The following INPP4A variants were observed in gnomAD, a reference collection of about 807,000 sequenced individuals.
INPP4A encodes the protein inositol polyphosphate-4-phosphatase type I A.
INPP4A carries 33 observed loss-of-function variants against 119.8 expected under a neutral mutation model. The ratio of observed to expected loss-of-function variants is 0.28; its 90% CI spans 0.21 to 0.37. The LOEUF (loss-of-function observed/expected upper bound fraction) is 0.37, where lower values mean the gene tolerates loss of function less well. INPP4A is among the 10% of genes least tolerant of loss of function. INPP4A has a pLI of 1.00. For missense variants in INPP4A, 956 were observed against 1,289.9 expected (o/e 0.74, Z 3.97); for synonymous variants, 496 against 500.7 (o/e 0.99, Z 0.12).
intron 1 of INPP4A, among the ~76,000 whole-genome samples, chr2:98,495,288 T>C (rs1681710199): frequency 6.6e-6 from 1 of 152,246 alleles, no homozygotes; most frequent in Non-Finnish European, 1.5e-5. Flanking sequence ...ACTGCTATTA[T>C]ATTTGTTCCA....
intron 1 of INPP4A, among the ~76,000 whole-genome samples, chr2:98,449,596 C>CA (rs1694875771): frequency 6.6e-6 from 1 of 152,172 alleles, no homozygotes; most frequent in Non-Finnish European, 1.5e-5. Flanking sequence ...GCCATTTCTC[C>CA]AAAGAGTCCT....
chr2:98,471,666 T>G (rs563621197), intron 1 of INPP4A, among the ~76,000 whole-genome samples: 2 of 151,476 alleles, frequency 1.3e-5, no homozygotes, highest in East Asian at 1.9e-4. Context: ...AGACTGGCTG[T>G]CTGTAAGCTT....
intron 1 of INPP4A, among the ~76,000 whole-genome samples, chr2:98,503,264 A>G (rs1234170428): frequency 6.6e-6 from 1 of 152,174 alleles, no homozygotes; most frequent in East Asian, 1.9e-4. Flanking sequence ...GACTTTTGAG[A>G]TTGGTTTGAA....
chr2:98,567,129 C>T (rs1218824001), intron 21 of INPP4A, among the ~76,000 whole-genome samples: 1 of 152,104 alleles, frequency 6.6e-6, no homozygotes, highest in South Asian at 2.1e-4. Context: ...TTCGCTGGCA[C>T]GTGCCGGGAG....
intron 17 of INPP4A, among the ~76,000 whole-genome samples, chr2:98,563,110 C>T (rs1695788890): frequency 6.6e-6 from 1 of 152,176 alleles, no homozygotes; most frequent in African/African-American, 2.4e-5. Context: ...GGAGATGGGC[C>T]TCTGGGGACA....
At chr2:98,533,989 A>G (rs1022921587) in intron 5 of INPP4A, among the ~76,000 whole-genome samples, 2 of 152,252 alleles carry the variant, frequency 1.3e-5, no homozygotes, top group Admixed American at 6.5e-5. Context: ...ACATTTATGG[A>G]TGATCCTTTT....
rs1003242559 is a variant in INPP4A at position 98,554,190 on chromosome 2, A to G, written c.1348-81A>G. 3.7e-6 allele frequency: 4 copies of G among 1,094,526 alleles called. No individual in the cohort carries two copies. Among genetic ancestry groups the G allele is most frequent in the Non-Finnish European group, 5.3e-6 (4 of 755,948 alleles). 67.8% of individuals were successfully genotyped at this position (1,094,526 alleles called of 1,614,324 possible). A position where few individuals can be genotyped will look rare whatever the true frequency, so the allele number is the denominator to read the frequency against. ...GGGTGCAGTGCTGGGCTTTAAGCCC[A>G]TTCTCCATTTCTGAGATAAGGCAGG... On this transcript the variant is annotated intron_variant, in intron 14 of 24. Transcript: ENST00000409851. This position sits in a 1 kb window ranked among gnomAD's most constrained non-coding sequence, Gnocchi z 4.7.
At position 98,588,514 on chromosome 2, in the gene INPP4A, AG is replaced by A; in HGVS notation, c.*908del. On this transcript the variant is annotated 3_prime_UTR_variant, in exon 25 of 25. Coordinates refer to ENST00000409851, the MANE Select transcript of INPP4A (RefSeq NM_001134225.2). ...TTTTCAGAAAAAAAATTTTTTTTGC[AG>A]GATTTCCAATTTATCTTTGAAAAGA... The A allele has an allele frequency of 4.6e-6, 1 of 216,366 alleles. No homozygotes were observed. Among genetic ancestry groups the A allele is most frequent in the Non-Finnish European group, 9.3e-6 (1 of 107,640 alleles). 13.4% of individuals were successfully genotyped at this position (216,366 alleles called of 1,614,324 possible).
At chr2:98,453,616 G>A (rs561321947) in intron 1 of INPP4A, among the ~76,000 whole-genome samples, 2 of 152,218 alleles carry the variant, frequency 1.3e-5, no homozygotes, top group Admixed American at 6.5e-5. Context: ...TTTCCTGGGC[G>A]TGCGACCTGT....
At chr2:98,502,793 A>G (rs994038179) in intron 1 of INPP4A, among the ~76,000 whole-genome samples, 8 of 152,240 alleles carry the variant, frequency 5.3e-5, no homozygotes, top group Non-Finnish European at 1.2e-4. Flanking sequence ...GTCACCAAGG[A>G]GACCTAGCTC....
intron 1 of INPP4A, among the ~76,000 whole-genome samples, chr2:98,494,059 C>T (rs1681404684): frequency 6.6e-6 from 1 of 152,226 alleles, no homozygotes; most frequent in Admixed American, 6.5e-5. Context: ...TAGCAGATGT[C>T]TGTGGCACTT....
intron 10 of INPP4A, among the ~76,000 whole-genome samples, chr2:98,540,059 G>A (rs977621486): frequency 6.6e-6 from 1 of 152,120 alleles, no homozygotes; most frequent in African/African-American, 2.4e-5. Flanking sequence ...AGCCTCTGAA[G>A]TAGCTGAGAT....
intron 1 of INPP4A, among the ~76,000 whole-genome samples, chr2:98,485,767 A>G (rs1679417838): frequency 6.6e-6 from 1 of 152,248 alleles, no homozygotes; most frequent in Non-Finnish European, 1.5e-5. Context: ...TTGTTTTTAT[A>G]ATACAAAACT....
rs370042428 is a variant in INPP4A, at chr2:98,520,015, G to A, written c.-34G>A. ...CCGGGTAATCAGGCGTGGTCTGACC[G>A]AGGATCAAGAAGCACATCATCACCA... On this transcript the variant is annotated 5_prime_UTR_variant, in exon 3 of 25. Coordinates refer to ENST00000409851, the MANE Select transcript of INPP4A (RefSeq NM_001134225.2). 24 of 1,531,316 alleles carry A rather than the reference G, an allele frequency of 1.6e-5. No individual in the cohort carries two copies. The highest frequency in any genetic ancestry group is 1.4e-4 in the African/African-American group (10 of 73,008). 94.9% of individuals were successfully genotyped at this position (1,531,316 alleles called of 1,614,324 possible).
chr2:98,581,520 T>G, intron 24 of INPP4A: 1 of 1,481,918 alleles, frequency 6.7e-7, no homozygotes, highest in Non-Finnish European at 8.9e-7. Context: ...TTTTTCTTTA[T>G]TTTCTTTCCT....
chr2:98,523,392 G>GTTTTTTTGTTTTT (rs1404051996), intron 4 of INPP4A, among the ~76,000 whole-genome samples: 20 of 148,946 alleles, frequency 1.3e-4, no homozygotes, highest in African/African-American at 4.5e-4. Context: ...TTTTGTTTTT[G>GTTTTTTTGTTTTT]TTTTTTTGTT....
chr2:98,561,206 C>T (rs578082491), intron 17 of INPP4A, among the ~76,000 whole-genome samples: 3 of 152,252 alleles, frequency 2.0e-5, no homozygotes, highest in Non-Finnish European at 4.4e-5. Flanking sequence ...TACCGGTCTG[C>T]GAACATTACG....
chr2:98,455,938 C>T (rs1261124467), intron 1 of INPP4A, among the ~76,000 whole-genome samples: 2 of 152,196 alleles, frequency 1.3e-5, no homozygotes, highest in Non-Finnish European at 2.9e-5. Flanking sequence ...GCTAGAGCGT[C>T]CCGTGCCTTT....
intron 1 of INPP4A, among the ~76,000 whole-genome samples, chr2:98,514,646 T>C (rs1480903757): frequency 6.6e-6 from 1 of 152,196 alleles, no homozygotes; most frequent in South Asian, 2.1e-4. Flanking sequence ...CCAGGTGTTA[T>C]GGCTCACACC....
Sources: gnomAD v4.1 joint callset for allele counts (sites outside exome capture counted in the v4.1 genomes callset) on GRCh38, gnomAD v4.1.1 for gene constraint, Gnocchi (gnomAD v3.1) non-coding constraint, MANE v1.5 for transcripts, NCBI Gene and HGNC (gene_info 2026-07-23, HGNC 2026-07-21) for gene names.